Variants in RABGAP1L observed in about 807,000 individuals in gnomAD.
RABGAP1L encodes RAB GTPase activating protein 1 like.
Under a neutral mutation model 137.7 loss-of-function variants are expected in RABGAP1L, and 63 were observed. The observed-to-expected ratio is 0.46, with a 90% CI of 0.37 to 0.56. The LOEUF (loss-of-function observed/expected upper bound fraction) is 0.56, where lower values mean the gene tolerates loss of function less well. Ranked by LOEUF, RABGAP1L falls within the 20% of genes least tolerant of loss-of-function variation. The pLI is 0.00. For missense variants in RABGAP1L, 1,095 were observed against 1,244.0 expected, an observed-to-expected ratio of 0.88 and a Z score of 1.80; for synonymous variants, 431 against 433.7, an observed-to-expected ratio of 0.99 and a Z score of 0.08.
chr1:174,321,986 C>T (rs1166329274), intron 11 of RABGAP1L, among the ~76,000 whole-genome samples: 1 of 136,210 alleles, frequency 7.3e-6, no homozygotes, highest in Non-Finnish European at 1.6e-5. Context: ...ATATATTAGA[C>T]AATTTTTTTA....
At chr1:174,910,195 A>G (rs1659833247) in intron 19 of RABGAP1L, among the ~76,000 whole-genome samples, 1 of 152,158 alleles carries the variant, frequency 6.6e-6, no homozygotes, top group Non-Finnish European at 1.5e-5. Flanking sequence ...AAAGTCTCCC[A>G]TCAAAGAGAT....
chr1:174,513,996 G>A (rs956744265), intron 13 of RABGAP1L, among the ~76,000 whole-genome samples: 1 of 152,062 alleles, frequency 6.6e-6, no homozygotes, highest in African/African-American at 2.4e-5. Flanking sequence ...CATGAAGACT[G>A]AAAAGTGATA....
chr1:174,173,513 A>T (rs573054528), intron 1 of RABGAP1L, among the ~76,000 whole-genome samples: 1 of 152,278 alleles, frequency 6.6e-6, no homozygotes, highest in East Asian at 1.9e-4. Flanking sequence ...TGCATTTCTT[A>T]TGACTTCCTC....
intron 19 of RABGAP1L, among the ~76,000 whole-genome samples, chr1:174,906,644 TATA>T (rs902428338): frequency 6.6e-6 from 1 of 151,570 alleles, no homozygotes; most frequent in Non-Finnish European, 1.5e-5. Context: ...TAAAAATTAA[TATA>T]ATAATAATAG....
chr1:174,712,816 C>T (rs888607389), intron 17 of RABGAP1L, among the ~76,000 whole-genome samples: 3 of 152,192 alleles, frequency 2.0e-5, no homozygotes. Context: ...CCAAACTTTG[C>T]GTCATTCCAT....
intron 15 of RABGAP1L, among the ~76,000 whole-genome samples, chr1:174,697,587 G>T (rs1679360038): frequency 6.6e-6 from 1 of 152,148 alleles, no homozygotes; most frequent in African/African-American, 2.4e-5. Flanking sequence ...CCAAAGTGCT[G>T]GGATTACAGG....
chr1:174,796,716 A>G (rs1688265543), intron 18 of RABGAP1L, among the ~76,000 whole-genome samples: 1 of 152,188 alleles, frequency 6.6e-6, no homozygotes, highest in Non-Finnish European at 1.5e-5. Context: ...GCTCATTAAG[A>G]TAACATATTT....
intron 18 of RABGAP1L, among the ~76,000 whole-genome samples, chr1:174,783,305 C>G (rs1426774543): frequency 6.6e-6 from 1 of 152,134 alleles, no homozygotes; most frequent in Non-Finnish European, 1.5e-5. Context: ...TCTAATAGAG[C>G]TATAACACCG....
At chr1:174,493,549 G>T (rs953939416) in intron 13 of RABGAP1L, among the ~76,000 whole-genome samples, 1 of 151,916 alleles carries the variant, frequency 6.6e-6, no homozygotes, top group South Asian at 2.1e-4. Context: ...GCCAGATGTG[G>T]TGGTTCATGC....
chr1:174,850,871 G>T (rs1321140021), intron 19 of RABGAP1L, among the ~76,000 whole-genome samples: 2 of 152,228 alleles, frequency 1.3e-5, no homozygotes, highest in Non-Finnish European at 2.9e-5. Flanking sequence ...GAAGGACTCA[G>T]TGTGCAATAG....
chr1:174,989,270 CCT>C (rs1671871035), intron 25 of RABGAP1L, among the ~76,000 whole-genome samples: 1 of 152,120 alleles, frequency 6.6e-6, no homozygotes. Context: ...TTTTGTCAAA[CCT>C]CTTTCCCCAT....
intron 14 of RABGAP1L, among the ~76,000 whole-genome samples, chr1:174,644,553 C>G (rs1557943658): frequency 6.6e-6 from 1 of 151,492 alleles, no homozygotes; most frequent in Non-Finnish European, 1.5e-5. Context: ...AAAAAAAAAA[C>G]TAACCTGCAA....
intron 17 of RABGAP1L, among the ~76,000 whole-genome samples, chr1:174,728,786 C>T (rs1016102881): frequency 4.6e-5 from 7 of 151,920 alleles, no homozygotes; most frequent in Non-Finnish European, 7.4e-5. Flanking sequence ...GGACTACAGG[C>T]GCAAGCCACC....
At chr1:174,213,456 C>G (rs920226501) in intron 1 of RABGAP1L, among the ~76,000 whole-genome samples, 1 of 152,126 alleles carries the variant, frequency 6.6e-6, no homozygotes, top group Non-Finnish European at 1.5e-5. Context: ...GAAGGGAATA[C>G]TTTCAAAGTC....
In RABGAP1L at chr1:174,278,604, C is replaced by T. The variant is rs1675217102; in HGVS notation, c.1157-9C>T. On this transcript the variant is annotated splice_polypyrimidine_tract_variant and intron_variant, in intron 9 of 25. Transcript: ENST00000681986. Reference sequence around the variant, plus strand: ...AGCTCGCATAAAACCCAGAAAATTTCTACTACAGATAAGCAAGTATACATG... The same window carrying T: ...AGCTCGCATAAAACCCAGAAAATTTTTACTACAGATAAGCAAGTATACATG... The T allele has an allele frequency of 1.3e-6, 2 of 1,599,016 alleles. No individual in the cohort carries two copies. Among genetic ancestry groups the T allele is most frequent in the Non-Finnish European group, 1.7e-6 (2 of 1,175,122 alleles).
intron 17 of RABGAP1L, among the ~76,000 whole-genome samples, chr1:174,718,710 C>T (rs982665914): frequency 6.6e-6 from 1 of 152,060 alleles, no homozygotes; most frequent in African/African-American, 2.4e-5. Flanking sequence ...ATGAAACCCT[C>T]CATGGGAAGG....
At chr1:174,255,385 A>G (rs1673034742) in intron 7 of RABGAP1L, among the ~76,000 whole-genome samples, 1 of 152,242 alleles carries the variant, frequency 6.6e-6, no homozygotes, top group South Asian at 2.1e-4. Flanking sequence ...AGTAATTTCA[A>G]ACTTACAGAA....
At chr1:174,612,041 C>T (rs1166892549) in intron 13 of RABGAP1L, among the ~76,000 whole-genome samples, 6 of 152,228 alleles carry the variant, frequency 3.9e-5, no homozygotes, top group Admixed American at 3.9e-4. Flanking sequence ...ATTGAATACC[C>T]TTTATTTCCT....
intron 19 of RABGAP1L, among the ~76,000 whole-genome samples, chr1:174,926,084 C>CT (rs1662798033): frequency 6.6e-6 from 1 of 151,786 alleles, no homozygotes. Context: ...AATAACTTAT[C>CT]TTTTCCCCAC....
Sources: gnomAD v4.1 joint callset for allele counts (sites outside exome capture counted in the v4.1 genomes callset) on GRCh38, gnomAD v4.1.1 for gene constraint, MANE v1.5 for transcripts, NCBI Gene and HGNC (gene_info 2026-07-23, HGNC 2026-07-21) for gene names.